Variants in COL26A1 observed in about 807,000 individuals in gnomAD.
COL26A1 encodes the protein collagen type XXVI alpha 1 chain.
Under a neutral mutation model 59.3 loss-of-function variants are expected in COL26A1, and 41 were observed. That is an observed-to-expected ratio of 0.69 (90% CI 0.54 to 0.90). COL26A1 has a LOEUF of 0.90. Ranked by LOEUF, COL26A1 falls within the 40% of genes least tolerant of loss-of-function variation. The pLI is 0.00. For synonymous variants in COL26A1, 266 were observed against 256.0 expected, an observed-to-expected ratio of 1.04 and a Z score of -0.37; for missense variants, 612 against 602.3, an observed-to-expected ratio of 1.02 and a Z score of -0.17.
At chr7:101,539,563 A>G (rs187099107) in intron 4 of COL26A1, among the ~76,000 whole-genome samples, 1 of 152,118 alleles carries the variant, frequency 6.6e-6, no homozygotes, top group Admixed American at 6.5e-5. Context: ...CCTGGCCTCA[A>G]GTGATCCTCC....
intron 3 of COL26A1, among the ~76,000 whole-genome samples, chr7:101,451,464 C>A (rs1793336563): frequency 6.7e-6 from 1 of 148,160 alleles, no homozygotes; most frequent in Non-Finnish European, 1.5e-5. Flanking sequence ...GTTCTAAAAT[C>A]TGAAACTTTC....
At chr7:101,380,694 G>A (rs1196940191) in intron 1 of COL26A1, among the ~76,000 whole-genome samples, 2 of 152,126 alleles carry the variant, frequency 1.3e-5, no homozygotes, top group Admixed American at 1.3e-4. Context: ...CAGTCTTTGT[G>A]ACTTTTGGCC....
At chr7:101,514,207 G>A (rs1794983167) in intron 3 of COL26A1, among the ~76,000 whole-genome samples, 1 of 151,894 alleles carries the variant, frequency 6.6e-6, no homozygotes, top group African/African-American at 2.4e-5. Context: ...GCGTGGTGGC[G>A]GGTGCCTGTA....
Position 101,408,783 on chromosome 7 carries a change from C to T in COL26A1, c.159-11194C>T, listed in dbSNP as rs939896529. Among the ~76,000 whole-genome samples the T allele has an allele frequency of 3.3e-5, 5 of 152,180 alleles. No individual in the cohort carries two copies. The East Asian group carries it at 5.8e-4, about 18-fold the overall frequency. On this transcript the variant is annotated intron_variant, in intron 1 of 12. Transcript: ENST00000313669. ...TGTTGTTAGACTTGGCTCCTTGCTG[C>T]GGCTGTGCAGATCTAGCTTGGATCC...
intron 3 of COL26A1, among the ~76,000 whole-genome samples, chr7:101,507,934 C>T (rs1234988472): frequency 4.6e-5 from 7 of 152,310 alleles, no homozygotes; most frequent in Admixed American, 2.6e-4. Flanking sequence ...TTCCTCAAGG[C>T]ACGTGACTGC....
At chr7:101,510,577 G>A (rs57180982) in intron 3 of COL26A1, among the ~76,000 whole-genome samples, 3,051 of 152,214 alleles carry the variant, frequency 0.02, 105 homozygotes, top group African/African-American at 0.069. Context: ...GGCTGAGTCA[G>A]GCTCACTGCA....
chr7:101,446,862 AAAGAGAG>A (rs1475916278), intron 2 of COL26A1, among the ~76,000 whole-genome samples: 13 of 151,050 alleles, frequency 8.6e-5, no homozygotes, highest in Non-Finnish European at 1.2e-4. Context: ...AAAAAAAAAA[AAAGAGAG>A]AGAGAGAGAA....
intron 1 of COL26A1, among the ~76,000 whole-genome samples, chr7:101,417,031 C>A (rs571050591): frequency 1.3e-5 from 2 of 152,148 alleles, no homozygotes; most frequent in African/African-American, 2.4e-5. Flanking sequence ...TGTGAGCCAC[C>A]ATGCCTGGCC....
intron 3 of COL26A1, among the ~76,000 whole-genome samples, chr7:101,480,085 G>A (rs1794124590): frequency 6.6e-6 from 1 of 152,078 alleles, no homozygotes; most frequent in African/African-American, 2.4e-5. Context: ...AGCCTTCTAA[G>A]CAGCTGGGAT....
intron 1 of COL26A1, among the ~76,000 whole-genome samples, chr7:101,396,188 A>G (rs1440689071): frequency 6.6e-6 from 1 of 151,908 alleles, no homozygotes. Context: ...TAATTGCTTG[A>G]ACCCAGGAGG....
chr7:101,512,899 A>G (rs1194389167), intron 3 of COL26A1, among the ~76,000 whole-genome samples: 1 of 152,188 alleles, frequency 6.6e-6, no homozygotes, highest in Non-Finnish European at 1.5e-5. Context: ...CTAAACTAGG[A>G]AAAGAAAGAA....
intron 1 of COL26A1, among the ~76,000 whole-genome samples, chr7:101,411,986 C>T (rs1418134295): frequency 1.3e-5 from 2 of 152,050 alleles, no homozygotes; most frequent in Non-Finnish European, 2.9e-5. Context: ...GACTCAGGCT[C>T]GGGACTCAAG....
chr7:101,557,000 G>T (rs932298847), intron 12 of COL26A1, among the ~76,000 whole-genome samples: 16 of 39,746 alleles, frequency 4.0e-4, no homozygotes, highest in African/African-American at 1.2e-3. Flanking sequence ...TGGGTGGATG[G>T]ATGGATGGAT....
intron 3 of COL26A1, among the ~76,000 whole-genome samples, chr7:101,454,479 G>A (rs1584421332): frequency 6.6e-6 from 1 of 151,880 alleles, no homozygotes; most frequent in African/African-American, 2.4e-5. Context: ...GGTTGGTCTC[G>A]AACTCCTGAC....
chr7:101,434,150 C>G (rs1792853247), intron 2 of COL26A1, among the ~76,000 whole-genome samples: 1 of 138,732 alleles, frequency 7.2e-6, no homozygotes. Flanking sequence ...GTCTCTCTTT[C>G]TCTCTCGTTC....
chr7:101,419,467 T>A (rs1792457542), intron 1 of COL26A1, among the ~76,000 whole-genome samples: 1 of 152,168 alleles, frequency 6.6e-6, no homozygotes, highest in African/African-American at 2.4e-5. Flanking sequence ...CTCTCCGCTC[T>A]GTGCCTGTTA....
intron 5 of COL26A1, among the ~76,000 whole-genome samples, chr7:101,540,712 A>G (rs1795597109): frequency 6.6e-6 from 1 of 151,894 alleles, no homozygotes; most frequent in Non-Finnish European, 1.5e-5. Context: ...AAATTAGCCC[A>G]GCATGATTAA....
intron 3 of COL26A1, among the ~76,000 whole-genome samples, chr7:101,470,080 C>T (rs1464251978): frequency 3.3e-5 from 5 of 151,126 alleles, no homozygotes; most frequent in South Asian, 2.1e-4. Context: ...AGAGGGGTCC[C>T]GGAGAAATGG....
intron 2 of COL26A1, among the ~76,000 whole-genome samples, chr7:101,447,335 T>A (rs994972357): frequency 2.0e-5 from 3 of 152,210 alleles, no homozygotes; most frequent in African/African-American, 7.2e-5. Context: ...GAAGGGGGTC[T>A]TTTTGGGAAA....
Sources: allele counts gnomAD v4.1 joint callset (sites outside exome capture counted in the v4.1 genomes callset), GRCh38; gene constraint gnomAD v4.1.1; transcripts MANE v1.5; gene names NCBI Gene and HGNC (gene_info 2026-07-23, HGNC 2026-07-21).